MYO3A: variants seen among roughly 807,000 people sequenced by gnomAD.
MYO3A encodes the protein myosin IIIA, also known as myosin-IIIa.
MYO3A carries 180 observed loss-of-function variants against 192.7 expected under a neutral mutation model. That is an observed-to-expected ratio of 0.93 (90% CI 0.83 to 1.06). The LOEUF (loss-of-function observed/expected upper bound fraction) is 1.06, where lower values mean the gene tolerates loss of function less well. MYO3A is among the 50% of genes least tolerant of loss of function. The probability of loss-of-function intolerance (pLI) is 0.00; values close to 1 mark genes in which losing one functional copy is unlikely to be tolerated. For missense variants in MYO3A, 1,896 were observed against 1,905.0 expected (o/e 1.00, Z 0.09); for synonymous variants, 628 against 645.3 (o/e 0.97, Z 0.41).
At chr10:25,942,023 A>G (rs540096596) in intron 2 of MYO3A, among the ~76,000 whole-genome samples, 4 of 124,888 alleles carry the variant, frequency 3.2e-5, no homozygotes, top group African/African-American at 1.2e-4. Context: ...TTTTTTTTAG[A>G]TGGAGTCTCT....
intron 24 of MYO3A, 138 bp from the exon 25 acceptor site, chr10:26,154,608 G>C (rs1840993997): frequency 1.4e-6 from 1 of 739,698 alleles, no homozygotes; most frequent in Non-Finnish European, 2.4e-6. Context: ...TTACCTAAAG[G>C]AAGAATATCA....
In MYO3A at chr10:26,203,069, G is replaced by C; in HGVS notation, c.4692G>C (p.Gln1564His). 6.2e-7 allele frequency: 1 copy of C among 1,613,740 alleles called. No homozygotes were observed. The change falls in exon 34 of 35, where the codon CAG (glutamine) becomes CAC (histidine). Residue 1564 changes from glutamine to histidine, a missense_variant. Coordinates refer to ENST00000642920, the MANE Select transcript of MYO3A (RefSeq NM_017433.5). The stretch of plus-strand genomic sequence containing the variant: ...CTAGTTTAAGAGAACGAAGACCACA[G>C]CAAGAACTCCAGAATCAATGTATTA... ...HSPSLRERRP[Q>H]QELQNQCIKA...
At chr10:26,189,888 C>T (rs1485444383) in intron 31 of MYO3A, among the ~76,000 whole-genome samples, 1 of 151,950 alleles carries the variant, frequency 6.6e-6, no homozygotes, top group East Asian at 1.9e-4. Flanking sequence ...CATGCTGAAA[C>T]CCCATCTCTA....
At chr10:25,949,736 C>T (rs1262354522) in intron 2 of MYO3A, among the ~76,000 whole-genome samples, 1 of 152,028 alleles carries the variant, frequency 6.6e-6, no homozygotes, top group African/African-American at 2.4e-5. Flanking sequence ...TTTGGATTTT[C>T]ACGTTCTTTT....
intron 18 of MYO3A, among the ~76,000 whole-genome samples, chr10:26,124,773 G>T (rs1428550340): frequency 6.6e-6 from 1 of 152,142 alleles, no homozygotes; most frequent in Non-Finnish European, 1.5e-5. Flanking sequence ...CCCATGAAAT[G>T]TAATCAACAT....
chr10:26,108,576 T>C (rs1396524520), intron 17 of MYO3A, among the ~76,000 whole-genome samples: 1 of 152,228 alleles, frequency 6.6e-6, no homozygotes, highest in Admixed American at 6.5e-5. Flanking sequence ...GACTCCCTTC[T>C]AAAATGGAAG....
At chr10:25,938,852 T>C (rs1836288852) in intron 2 of MYO3A, among the ~76,000 whole-genome samples, 1 of 152,208 alleles carries the variant, frequency 6.6e-6, no homozygotes, top group Non-Finnish European at 1.5e-5. Context: ...ATTTGCATTA[T>C]ATTAGAAAAG....
intron 23 of MYO3A, among the ~76,000 whole-genome samples, chr10:26,153,018 A>T (rs1489383998): frequency 6.6e-6 from 1 of 152,222 alleles, no homozygotes; most frequent in Non-Finnish European, 1.5e-5. Flanking sequence ...ACAAGAAATG[A>T]TCTTTCTGAA....
At position 25,995,530 on chromosome 10, in the gene MYO3A, G is replaced by T. The variant is rs188686687; in HGVS notation, c.304-960G>T. ...CATCAGTCATTCTCCATCCAGCTTT[G>T]TTCCATTGCTGGTGAGGAGCTGCGT... On this transcript the variant is annotated intron_variant, in intron 4 of 34. Transcript: ENST00000642920. 6.5e-4 allele frequency among the ~76,000 whole-genome samples: 99 copies of T among 152,298 alleles called. No homozygotes were observed. The Middle Eastern group carries it at 0.02, about 31-fold the overall frequency.
intron 3 of MYO3A, among the ~76,000 whole-genome samples, chr10:25,953,337 A>G (rs1197728017): frequency 1.3e-5 from 2 of 151,840 alleles, no homozygotes; most frequent in African/African-American, 2.4e-5. Context: ...ACACTCTTCC[A>G]TATTATTTTG....
At chr10:26,177,851 G>A (rs969012816) in intron 31 of MYO3A, among the ~76,000 whole-genome samples, 4 of 152,210 alleles carry the variant, frequency 2.6e-5, no homozygotes, top group Non-Finnish European at 5.9e-5. Flanking sequence ...AATATACTAA[G>A]ATGCACTTGG....
intron 10 of MYO3A, among the ~76,000 whole-genome samples, chr10:26,029,897 C>T (rs191159572): frequency 2.6e-4 from 39 of 151,958 alleles, no homozygotes; most frequent in African/African-American, 9.2e-4. Flanking sequence ...TTCTTTCCTT[C>T]TGCATTCTAT....
At chr10:26,091,727 T>C (rs1653093756) in intron 15 of MYO3A, among the ~76,000 whole-genome samples, 1 of 152,284 alleles carries the variant, frequency 6.6e-6, no homozygotes, top group South Asian at 2.1e-4. Flanking sequence ...TCATTTTCTC[T>C]TTTAAAAGTG....
At chr10:25,968,886 G>A (rs1225371348) in intron 4 of MYO3A, among the ~76,000 whole-genome samples, 1 of 152,142 alleles carries the variant, frequency 6.6e-6, no homozygotes, top group Non-Finnish European at 1.5e-5. Context: ...GTATCCATCT[G>A]GGTTATCAGA....
chr10:26,013,098 A>C (rs568201413), intron 6 of MYO3A, among the ~76,000 whole-genome samples: 1 of 152,060 alleles, frequency 6.6e-6, no homozygotes, highest in Non-Finnish European at 1.5e-5. Context: ...CTGGAACTCT[A>C]TCTCTCACCT....
At chr10:26,161,455 A>G (rs1316424198) in intron 26 of MYO3A, among the ~76,000 whole-genome samples, 1 of 152,192 alleles carries the variant, frequency 6.6e-6, no homozygotes, top group Non-Finnish European at 1.5e-5. Flanking sequence ...CCTGTACATA[A>G]TGGTTTGGCT....
intron 10 of MYO3A, among the ~76,000 whole-genome samples, chr10:26,045,122 T>G (rs1248741086): frequency 6.6e-6 from 1 of 152,110 alleles, no homozygotes; most frequent in Non-Finnish European, 1.5e-5. Flanking sequence ...CCAGAGTGAC[T>G]AACAGGGTGC....
chr10:25,984,926 A>C (rs557387066), intron 4 of MYO3A, among the ~76,000 whole-genome samples: 1 of 152,342 alleles, frequency 6.6e-6, no homozygotes, highest in Admixed American at 6.5e-5. Context: ...AGTTCATAGC[A>C]TTAAATCCCT....
intron 4 of MYO3A, among the ~76,000 whole-genome samples, chr10:25,989,276 A>T (rs565785358): frequency 8.1e-4 from 99 of 121,664 alleles, no homozygotes; most frequent in Non-Finnish European, 1.4e-3. Context: ...TTTTTTTTTT[A>T]AAGCAGCTTG....
Sources: gnomAD v4.1 joint callset for allele counts (sites outside exome capture counted in the v4.1 genomes callset) on GRCh38, gnomAD v4.1.1 for gene constraint, MANE v1.5 for transcripts, NCBI Gene and HGNC (gene_info 2026-07-23, HGNC 2026-07-21) for gene names.